The following BAZ1B variants were observed in gnomAD, a reference collection of about 807,000 sequenced individuals.
BAZ1B encodes the protein tyrosine-protein kinase BAZ1B.
Under a neutral mutation model 153.8 loss-of-function variants are expected in BAZ1B, and 22 were observed. The ratio of observed to expected loss-of-function variants is 0.14; its 90% CI spans 0.10 to 0.20. The LOEUF (loss-of-function observed/expected upper bound fraction) is 0.20, where lower values mean the gene tolerates loss of function less well. Among genes scored for constraint, BAZ1B ranks in the 10% least tolerant of loss-of-function variants. The probability of loss-of-function intolerance (pLI) is 1.00; values close to 1 mark genes in which losing one functional copy is unlikely to be tolerated. For synonymous variants in BAZ1B, 676 were observed against 633.4 expected (o/e 1.07, Z -1.01); for missense variants, 1,325 against 1,799.3 (o/e 0.74, Z 4.77).
chr7:73,459,847 C>A, intron 12 of BAZ1B, 129 bp from the exon 13 acceptor site: 1 of 787,814 alleles, frequency 1.3e-6, no homozygotes, highest in Non-Finnish European at 2.0e-6. Flanking sequence ...TCGAGAGCCA[C>A]ATACCATTAA....
intron 4 of BAZ1B, 116 bp downstream of exon 4, chr7:73,498,381 A>G (rs1554576630): frequency 1.0e-6 from 1 of 966,474 alleles, no homozygotes; most frequent in African/African-American, 1.6e-5. Context: ...AAATGAACAA[A>G]ATCATGTCTA....
At chr7:73,497,539 T>C (rs1459511697) in intron 4 of BAZ1B, among the ~76,000 whole-genome samples, 1 of 152,202 alleles carries the variant, frequency 6.6e-6, no homozygotes, top group South Asian at 2.1e-4. Flanking sequence ...AGTATCTACA[T>C]GTATTTTATG....
At chr7:73,467,718 C>T (rs1160993954) in intron 9 of BAZ1B, among the ~76,000 whole-genome samples, 2 of 152,134 alleles carry the variant, frequency 1.3e-5, no homozygotes, top group African/African-American at 4.8e-5. Flanking sequence ...AACTGGAAAA[C>T]ACGAAACAAC....
intron 3 of BAZ1B, 129 bp downstream of exon 3, chr7:73,508,198 A>C: frequency 1.9e-6 from 2 of 1,036,534 alleles, no homozygotes; most frequent in Non-Finnish European, 2.7e-6. Flanking sequence ...AACGTAAAGT[A>C]TTAATACTTA....
intron 1 of BAZ1B, among the ~76,000 whole-genome samples, chr7:73,515,931 G>A (rs1790780516): frequency 6.6e-6 from 1 of 152,040 alleles, no homozygotes; most frequent in Admixed American, 6.5e-5. Flanking sequence ...GATCACTTGA[G>A]GCCAGGTGTT....
At chr7:73,467,364 T>C (rs1270230162) in intron 9 of BAZ1B, among the ~76,000 whole-genome samples, 1 of 152,012 alleles carries the variant, frequency 6.6e-6, no homozygotes, top group Non-Finnish European at 1.5e-5. Flanking sequence ...AATTGGGTAA[T>C]TTATTTATTT....
chr7:73,451,841 A>G (rs1288266285), intron 13 of BAZ1B, among the ~76,000 whole-genome samples: 1 of 152,240 alleles, frequency 6.6e-6, no homozygotes, highest in Non-Finnish European at 1.5e-5. Context: ...GAGAGCTGAC[A>G]GACACTACTG....
intron 3 of BAZ1B, among the ~76,000 whole-genome samples, chr7:73,507,793 G>A (rs1411946817): frequency 6.6e-6 from 1 of 152,154 alleles, no homozygotes; most frequent in Non-Finnish European, 1.5e-5. Context: ...AAGCCAGGGA[G>A]TCCAAGGCTA....
At chr7:73,446,073 G>A (rs1340061117) in intron 16 of BAZ1B, among the ~76,000 whole-genome samples, 1 of 152,136 alleles carries the variant, frequency 6.6e-6, no homozygotes, top group African/African-American at 2.4e-5. Context: ...CTGAAGTATG[G>A]GGGGGAAAGT....
intron 6 of BAZ1B, among the ~76,000 whole-genome samples, chr7:73,485,716 T>G (rs1360843978): frequency 6.6e-6 from 1 of 152,068 alleles, no homozygotes; most frequent in African/African-American, 2.4e-5. Flanking sequence ...ACACAGAAAT[T>G]TGGTAGTGTT....
At chr7:73,443,034 TC>T (rs1554565532) in intron 17 of BAZ1B, among the ~76,000 whole-genome samples, 1 of 151,982 alleles carries the variant, frequency 6.6e-6, no homozygotes, top group East Asian at 1.9e-4. Flanking sequence ...CTCACTCGCC[TC>T]CCCCGGGGCC....
intron 12 of BAZ1B, among the ~76,000 whole-genome samples, chr7:73,461,188 C>T (rs909299900): frequency 3.9e-5 from 6 of 152,124 alleles, no homozygotes; most frequent in African/African-American, 1.4e-4. Flanking sequence ...GCTGGTCAGA[C>T]TGGTCTCGAA....
rs1554578113 is a variant in BAZ1B, at chr7:73,508,438, C to A, written c.258G>T (p.Lys86Asn). The A allele has an allele frequency of 3.1e-6, 5 of 1,612,908 alleles. No homozygotes were observed. Among genetic ancestry groups the A allele is most frequent in the Non-Finnish European group, 4.2e-6 (5 of 1,179,372 alleles). ...TATGGTGAACCATTTCCAGAACAAG[C>A]TTCTCATACCAGGCAGGAAACTCCT... ...LKEEFPAWYE[K>N]LVLEMVHHNT... Residue 86 changes from lysine (K) to asparagine (N), a missense_variant, in exon 3 of 20, where the codon AAG (lysine) becomes AAT (asparagine). Lys to Asn is a moderately conservative substitution (Grantham distance 94). Around this residue, in one of 9 missense-constraint regions of BAZ1B, gnomAD observed 153 missense variants for 204.8 expected, o/e 0.75. Transcript: ENST00000339594.
intron 10 of BAZ1B, 63 bp downstream of exon 10, chr7:73,466,233 A>C (rs1788579102): frequency 9.0e-6 from 11 of 1,227,384 alleles, no homozygotes; most frequent in African/African-American, 3.0e-5. Context: ...ACTATACTAA[A>C]TACTTTCTTC....
In BAZ1B at chr7:73,450,054, T is replaced by C. The variant is rs574857559; in HGVS notation, c.3581-365A>G. On this transcript the variant is annotated intron_variant, in intron 14 of 19. Coordinates refer to ENST00000339594, the MANE Select transcript of BAZ1B (RefSeq NM_032408.4). This position sits in a 1 kb window ranked among gnomAD's most constrained non-coding sequence, Gnocchi z 4.1. Reference sequence around the variant, plus strand: ...CCTGATGAGTGTTCTCTCTCTCTCTTTTTTTTTTTTGGAGACAGAGTCTTG... The same window carrying C: ...CCTGATGAGTGTTCTCTCTCTCTCTCTTTTTTTTTTGGAGACAGAGTCTTG... 1.2e-3 allele frequency among the ~76,000 whole-genome samples: 157 copies of C among 134,178 alleles called. 1 individual carries two copies. The highest frequency in any genetic ancestry group is 2.0e-3 in the Non-Finnish European group (118 of 58,106). 88.0% of individuals were successfully genotyped at this position (134,178 alleles called of 152,430 possible).
intron 6 of BAZ1B, among the ~76,000 whole-genome samples, chr7:73,488,035 T>C (rs1220276768): frequency 1.3e-5 from 2 of 152,208 alleles, no homozygotes; most frequent in East Asian, 3.8e-4. Context: ...AATTTAGTTG[T>C]TATGACTTCA....
At chr7:73,492,657 A>T in intron 5 of BAZ1B, 143 bp downstream of exon 5, 1 of 729,526 alleles carries the variant, frequency 1.4e-6, no homozygotes, top group Non-Finnish European at 2.1e-6. Context: ...TGAAGTCATT[A>T]ATTACTGTAA....
At chr7:73,461,885 T>C (rs1788408220) in intron 12 of BAZ1B, among the ~76,000 whole-genome samples, 1 of 152,120 alleles carries the variant, frequency 6.6e-6, no homozygotes, top group South Asian at 2.1e-4. Context: ...AAGCCTGGAG[T>C]TTGAGATCAG....
At chr7:73,488,733 A>AAAAAAAC in intron 6 of BAZ1B, among the ~76,000 whole-genome samples, 1 of 151,696 alleles carries the variant, frequency 6.6e-6, no homozygotes, top group African/African-American at 2.4e-5. Context: ...AAAAAAAACA[A>AAAAAAAC]AAAAAACTTA....
Sources: allele counts gnomAD v4.1 joint callset (sites outside exome capture counted in the v4.1 genomes callset), GRCh38; gene constraint gnomAD v4.1.1; regional missense constraint gnomAD v4.1.1; non-coding constraint Gnocchi (gnomAD v3.1); transcripts MANE v1.5; gene names NCBI Gene and HGNC (gene_info 2026-07-23, HGNC 2026-07-21).